PIK3C3: variants seen among roughly 807,000 people sequenced by gnomAD.
PIK3C3 encodes phosphatidylinositol 3-kinase catalytic subunit type 3, also known as PI3-kinase type 3.
A neutral mutation model predicts 126.1 loss-of-function variants in PIK3C3; 95 were observed. That is an observed-to-expected ratio of 0.75 (90% CI 0.64 to 0.89). The LOEUF is 0.89. PIK3C3 is among the 40% of genes least tolerant of loss of function. The pLI, the probability that PIK3C3 is intolerant of heterozygous loss-of-function variation, is 0.00. For missense variants in PIK3C3, 829 were observed against 1,063.2 expected, an observed-to-expected ratio of 0.78 and a Z score of 3.06; for synonymous variants, 374 against 360.0, an observed-to-expected ratio of 1.04 and a Z score of -0.44.
At chr18:42,058,528 T>G (rs35269653) in intron 22 of PIK3C3, among the ~76,000 whole-genome samples, 12,389 of 152,286 alleles carry the variant, frequency 0.081, 611 homozygotes, top group Non-Finnish European at 0.11. Flanking sequence ...ATTTTTATTC[T>G]TTAGCAGCCT....
chr18:41,958,492 C>A (rs1351315894), intron 2 of PIK3C3, among the ~76,000 whole-genome samples: 1 of 152,082 alleles, frequency 6.6e-6, no homozygotes, highest in Non-Finnish European at 1.5e-5. Context: ...CCAGACTGTG[C>A]CATAGAGGGT....
chr18:41,960,783 G>A (rs778887376), intron 2 of PIK3C3, among the ~76,000 whole-genome samples: 9 of 149,872 alleles, frequency 6.0e-5, no homozygotes, highest in Non-Finnish European at 1.0e-4. Context: ...TCGCTCTGTC[G>A]CCAGGCTGGA....
At position 42,085,491 on chromosome 18, in the gene PIK3C3, A is replaced by T. The variant is rs1986380382; in HGVS notation, c.*4354A>T. The T allele has an allele frequency of 6.6e-6, 1 of 152,218 alleles. No homozygotes were observed. Among genetic ancestry groups the T allele is most frequent in the South Asian group, 2.1e-4 (1 of 4,832 alleles). 9.4% of individuals were successfully genotyped at this position (152,218 alleles called of 1,614,324 possible). On this transcript the variant is annotated 3_prime_UTR_variant, in exon 25 of 25. Transcript: ENST00000262039. ...AGTATTTCATACAGAAAAAGCTAAT[A>T]CTGATATCACACACTAATTGTGTAT...
At chr18:42,009,624 T>C (rs1017772551) in intron 10 of PIK3C3, among the ~76,000 whole-genome samples, 1 of 148,922 alleles carries the variant, frequency 6.7e-6, no homozygotes, top group African/African-American at 2.6e-5. Flanking sequence ...GACTACATTA[T>C]GTAATGTACA....
chr18:41,993,463 T>C (rs988364160), intron 7 of PIK3C3, 122 bp downstream of exon 7: 6 of 631,428 alleles, frequency 9.5e-6, no homozygotes, highest in African/African-American at 9.2e-5. Context: ...TAAAAGTGAT[T>C]CATAAATTCA....
chr18:41,976,847 G>A (rs569286072), intron 4 of PIK3C3, among the ~76,000 whole-genome samples: 11 of 152,302 alleles, frequency 7.2e-5, no homozygotes, highest in South Asian at 2.1e-4. Context: ...AGATGAAAGC[G>A]TAGAGAAGTT....
intron 12 of PIK3C3, among the ~76,000 whole-genome samples, chr18:42,017,659 G>A (rs1317578116): frequency 2.0e-5 from 3 of 151,904 alleles, no homozygotes; most frequent in Non-Finnish European, 4.4e-5. Context: ...TCACTGTTTG[G>A]TAACCCTCTT....
In PIK3C3 at chr18:42,027,449, G is replaced by A. The variant is rs61755375; in HGVS notation, c.1491G>A (p.Val497=). The A allele has an allele frequency of 1.3e-6, 2 of 1,588,000 alleles. No homozygotes were observed. The highest frequency in any genetic ancestry group is 1.7e-6 in the Non-Finnish European group (2 of 1,158,356). Residue 497 remains valine (V), a synonymous_variant, in exon 14 of 25, where the codon GTG becomes GTA. Transcript: ENST00000262039. The part of the protein sequence containing the change: ...STLANYLYWY[V]IVECEDQDTQ... The stretch of plus-strand genomic sequence containing the variant: ...GGCTCAAACTATTTTTAAGGTATGT[G>A]ATAGTGGAATGTGAAGATCAAGATA...
chr18:42,008,981 A>G (rs1982676991), intron 10 of PIK3C3, among the ~76,000 whole-genome samples: 1 of 152,112 alleles, frequency 6.6e-6, no homozygotes, highest in African/African-American at 2.4e-5. Context: ...TAATTAGGAA[A>G]GCACACAGGT....
intron 16 of PIK3C3, among the ~76,000 whole-genome samples, chr18:42,037,086 T>G (rs1252846725): frequency 1.3e-5 from 2 of 152,232 alleles, no homozygotes; most frequent in Non-Finnish European, 2.9e-5. Flanking sequence ...ATTATGTATA[T>G]GCAAATATTC....
chr18:42,054,191 T>TAA (rs1984956273), intron 21 of PIK3C3, among the ~76,000 whole-genome samples: 2 of 102,362 alleles, frequency 2.0e-5, no homozygotes, highest in South Asian at 3.3e-4. Flanking sequence ...TATATATATA[T>TAA]AAAGGGGAAT....
At chr18:42,009,851 C>G (rs966588080) in intron 10 of PIK3C3, among the ~76,000 whole-genome samples, 1 of 151,964 alleles carries the variant, frequency 6.6e-6, no homozygotes. Context: ...ATCATCTGAG[C>G]CCTTAGCAAG....
chr18:42,018,607 T>A (rs1295016299), intron 12 of PIK3C3, among the ~76,000 whole-genome samples: 1 of 152,116 alleles, frequency 6.6e-6, no homozygotes, highest in Non-Finnish European at 1.5e-5. Context: ...ACATCTACTT[T>A]GTAACAACAC....
At chr18:42,079,067 G>A (rs969245819) in intron 24 of PIK3C3, among the ~76,000 whole-genome samples, 1 of 152,132 alleles carries the variant, frequency 6.6e-6, no homozygotes, top group Non-Finnish European at 1.5e-5. Context: ...ACATTTCTTT[G>A]CATTTAAAAC....
At chr18:42,024,412 G>A (rs527556538) in intron 13 of PIK3C3, among the ~76,000 whole-genome samples, 8 of 151,594 alleles carry the variant, frequency 5.3e-5, no homozygotes, top group African/African-American at 1.7e-4. Flanking sequence ...TGGCCTTTTT[G>A]TTTGAATAGA....
At chr18:42,051,778 T>C in intron 21 of PIK3C3, among the ~76,000 whole-genome samples, 1 of 152,056 alleles carries the variant, frequency 6.6e-6, no homozygotes, top group Non-Finnish European at 1.5e-5. Flanking sequence ...TTGAATCTTT[T>C]AACCACAAGA....
At chr18:41,995,789 ATAT>A in intron 7 of PIK3C3, 98 bp from the exon 8 acceptor site, 1 of 758,688 alleles carries the variant, frequency 1.3e-6, no homozygotes, top group South Asian at 1.6e-5. Flanking sequence ...AAAACATTAG[ATAT>A]TATTAAATGC....
chr18:42,025,357 A>G (rs2144430188), intron 13 of PIK3C3: 1 of 152,366 alleles, frequency 6.6e-6, no homozygotes, highest in Non-Finnish European at 1.5e-5. Flanking sequence ...CAGTTTCACC[A>G]TTTAGAACTG....
At chr18:41,966,327 G>C (rs866830630) in intron 3 of PIK3C3, among the ~76,000 whole-genome samples, 8 of 151,772 alleles carry the variant, frequency 5.3e-5, no homozygotes, top group Admixed American at 3.3e-4. Flanking sequence ...ATGCCACCGT[G>C]CCCAGCTAAT....
Sources: allele counts gnomAD v4.1 joint callset (sites outside exome capture counted in the v4.1 genomes callset), GRCh38; gene constraint gnomAD v4.1.1; transcripts MANE v1.5; gene names NCBI Gene and HGNC (gene_info 2026-07-23, HGNC 2026-07-21).